Variants in HECW1 observed in about 807,000 individuals in gnomAD.
The protein encoded by HECW1 is E3 ubiquitin-protein ligase HECW1.
HECW1 carries 61 observed loss-of-function variants against 182.3 expected under a neutral mutation model. That is an observed-to-expected ratio of 0.33 (90% confidence interval 0.27 to 0.41). HECW1 has a LOEUF of 0.41. Among genes scored for constraint, HECW1 ranks in the 10% least tolerant of loss-of-function variants. HECW1 has a pLI of 1.00. For synonymous variants in HECW1, 859 were observed against 832.6 expected (o/e 1.03, Z -0.55); for missense variants, 1,739 against 2,108.9 (o/e 0.82, Z 3.44).
chr7:43,508,784 A>G, intron 23 of HECW1, 185 bp from the exon 24 acceptor site: 3 of 638,438 alleles, frequency 4.7e-6, no homozygotes, highest in South Asian at 2.0e-5. Flanking sequence ...CTCCAAACCA[A>G]TTACTGCATC....
intron 6 of HECW1, 105 bp downstream of exon 6, chr7:43,361,085 T>C (rs1046865929): frequency 7.8e-6 from 5 of 640,702 alleles, no homozygotes; most frequent in African/African-American, 2.0e-5. Context: ...TGTGTGTGTG[T>C]GTGTACGTGT....
At chr7:43,127,984 T>G (rs1786464500) in intron 2 of HECW1, among the ~76,000 whole-genome samples, 1 of 151,946 alleles carries the variant, frequency 6.6e-6, no homozygotes, top group Non-Finnish European at 1.5e-5. Context: ...GCTCAAATGA[T>G]CCTCCTGCTT....
intron 3 of HECW1, among the ~76,000 whole-genome samples, chr7:43,277,575 T>C (rs1803319030): frequency 6.6e-6 from 1 of 152,132 alleles, no homozygotes. Flanking sequence ...TGCCACCTGC[T>C]AGGATGTCTT....
At chr7:43,342,886 C>T (rs545682991) in intron 5 of HECW1, among the ~76,000 whole-genome samples, 44 of 151,466 alleles carry the variant, frequency 2.9e-4, no homozygotes, top group African/African-American at 9.5e-4. Flanking sequence ...ATCAGCTGGT[C>T]GTAGTGGCAG....
chr7:43,204,550 C>T (rs899119278), intron 2 of HECW1, among the ~76,000 whole-genome samples: 26 of 152,174 alleles, frequency 1.7e-4, no homozygotes, highest in African/African-American at 5.8e-4. Context: ...TGGCCATGCC[C>T]TCATGGAACT....
chr7:43,174,458 A>T (rs565910304), intron 2 of HECW1, among the ~76,000 whole-genome samples: 5 of 152,198 alleles, frequency 3.3e-5, no homozygotes, highest in Non-Finnish European at 7.3e-5. Flanking sequence ...TATTGATGTC[A>T]TTCAGAGATA....
chr7:43,545,514 C>G (rs2081525132), intron 26 of HECW1, among the ~76,000 whole-genome samples: 1 of 152,174 alleles, frequency 6.6e-6, no homozygotes, highest in Non-Finnish European at 1.5e-5. Flanking sequence ...GAGTCCTGTA[C>G]AGTTGAAAAT....
chr7:43,387,580 C>T (rs1034445034), intron 6 of HECW1, among the ~76,000 whole-genome samples: 4 of 152,246 alleles, frequency 2.6e-5, no homozygotes, highest in African/African-American at 9.6e-5. Flanking sequence ...CATAGGAAGC[C>T]TTTTTAAAGG....
chr7:43,543,795 A>AG (rs1374366853), intron 26 of HECW1, among the ~76,000 whole-genome samples: 11 of 151,776 alleles, frequency 7.2e-5, no homozygotes, highest in African/African-American at 2.7e-4. Context: ...AAAAAAAAAA[A>AG]AAAGAAAAAA....
chr7:43,215,539 T>C (rs1796367752), intron 2 of HECW1, among the ~76,000 whole-genome samples: 1 of 152,248 alleles, frequency 6.6e-6, no homozygotes, highest in African/African-American at 2.4e-5. Flanking sequence ...CGTTAACAAA[T>C]GGTTAAGGTA....
At chr7:43,393,149 A>G (rs1322156782) in intron 6 of HECW1, among the ~76,000 whole-genome samples, 1 of 152,146 alleles carries the variant, frequency 6.6e-6, no homozygotes, top group Non-Finnish European at 1.5e-5. Flanking sequence ...GGTGCAAGAC[A>G]CACACAGTGA....
At chr7:43,255,634 T>C (rs1486348733) in intron 3 of HECW1, among the ~76,000 whole-genome samples, 2 of 151,350 alleles carry the variant, frequency 1.3e-5, no homozygotes, top group Non-Finnish European at 2.9e-5. Context: ...TCAATAAATA[T>C]GTATTTTTCA....
chr7:43,529,016 T>A (rs1238668711), intron 24 of HECW1, among the ~76,000 whole-genome samples: 4 of 152,116 alleles, frequency 2.6e-5, no homozygotes, highest in Admixed American at 2.6e-4. Flanking sequence ...TAAAGGTGGG[T>A]GTAGAGAATA....
chr7:43,473,995 T>C (rs913948880), intron 16 of HECW1, among the ~76,000 whole-genome samples: 3 of 152,104 alleles, frequency 2.0e-5, no homozygotes, highest in African/African-American at 7.2e-5. Context: ...GAAAACACTC[T>C]CAGCTTTGGT....
rs948232565 is a variant in HECW1 at position 43,374,546 on chromosome 7, G to C, written c.555+13566G>C. On this transcript the variant is annotated intron_variant, in intron 6 of 29. Transcript: ENST00000395891. Reference sequence around the variant, plus strand: ...CAGATGCACTTTGGGAGGCCGAGGCGGGCGGATCACGAGGTCAGGAGATCG... The same window carrying C: ...CAGATGCACTTTGGGAGGCCGAGGCCGGCGGATCACGAGGTCAGGAGATCG... Among the ~76,000 whole-genome samples, 2 of 95,206 alleles carry C rather than the reference G, an allele frequency of 2.1e-5. 1 individual carries two copies. The highest frequency in any genetic ancestry group is 6.2e-4 in the East Asian group (2 of 3,216). 62.5% of individuals were successfully genotyped at this position (95,206 alleles called of 152,430 possible).
chr7:43,258,930 T>TTTTTG (rs1164294545), intron 3 of HECW1, among the ~76,000 whole-genome samples: 5 of 152,324 alleles, frequency 3.3e-5, no homozygotes, highest in South Asian at 2.1e-4. Flanking sequence ...CAGTTTGTTT[T>TTTTTG]TTTTGTTTTG....
At chr7:43,147,245 GT>G (rs10660691) in intron 2 of HECW1, among the ~76,000 whole-genome samples, 4 of 151,040 alleles carry the variant, frequency 2.6e-5, no homozygotes, top group East Asian at 3.9e-4. Flanking sequence ...ATGTAGTTTT[GT>G]TTTTTTTTAA....
At chr7:43,297,993 G>A (rs1198876529) in intron 3 of HECW1, among the ~76,000 whole-genome samples, 1 of 152,168 alleles carries the variant, frequency 6.6e-6, no homozygotes, top group Non-Finnish European at 1.5e-5. Flanking sequence ...AGGATAGCTT[G>A]AGCCAGGAAT....
At chr7:43,184,302 C>T (rs780949553) in intron 2 of HECW1, among the ~76,000 whole-genome samples, 11 of 152,160 alleles carry the variant, frequency 7.2e-5, no homozygotes, top group Admixed American at 2.6e-4. Flanking sequence ...CGTGAGCCAC[C>T]GCCCTGCCAA....
Sources: allele counts gnomAD v4.1 joint callset (sites outside exome capture counted in the v4.1 genomes callset), GRCh38; gene constraint gnomAD v4.1.1; transcripts MANE v1.5; gene names NCBI Gene and HGNC (gene_info 2026-07-23, HGNC 2026-07-21).